Variants in TEX2 observed in about 807,000 individuals in gnomAD.
TEX2 encodes the protein testis-expressed protein 2.
Under a neutral mutation model 106.9 loss-of-function variants are expected in TEX2, and 53 were observed. The observed-to-expected ratio is 0.50, with a 90% CI of 0.40 to 0.62. The LOEUF is 0.62. TEX2 is among the 20% of genes least tolerant of loss of function. The probability of loss-of-function intolerance (pLI) is 0.00; values close to 1 mark genes in which losing one functional copy is unlikely to be tolerated. For missense variants in TEX2, 1,207 were observed against 1,379.0 expected, an observed-to-expected ratio of 0.88 and a Z score of 1.98; for synonymous variants, 523 against 534.8, an observed-to-expected ratio of 0.98 and a Z score of 0.30.
chr17:64,236,806 C>T (rs376652995), intron 1 of TEX2, among the ~76,000 whole-genome samples: 1 of 152,218 alleles, frequency 6.6e-6, no homozygotes, highest in East Asian at 1.9e-4. Context: ...AGATCTATGG[C>T]TCTCTTAATT....
At chr17:64,160,154 T>C (rs1241604832) in intron 8 of TEX2, among the ~76,000 whole-genome samples, 1 of 152,156 alleles carries the variant, frequency 6.6e-6, no homozygotes, top group Non-Finnish European at 1.5e-5. Context: ...TTAAGGAGAA[T>C]AGGATGTAAA....
chr17:64,150,062 G>A (rs1400113372), intron 11 of TEX2: 1 of 152,016 alleles, frequency 6.6e-6, no homozygotes, highest in Admixed American at 6.6e-5. Context: ...TTAATCTCTA[G>A]TTTTTAAATA....
At chr17:64,223,055 T>C (rs782397499) in intron 1 of TEX2, among the ~76,000 whole-genome samples, 1 of 152,194 alleles carries the variant, frequency 6.6e-6, no homozygotes, top group South Asian at 2.1e-4. Flanking sequence ...CCAGAATTTA[T>C]GTAGGATTCT....
chr17:64,212,421 G>T (rs2033029804), intron 2 of TEX2, among the ~76,000 whole-genome samples, 153 bp downstream of exon 2: 1 of 152,184 alleles, frequency 6.6e-6, no homozygotes, highest in Non-Finnish European at 1.5e-5. Flanking sequence ...CAGATGAGTT[G>T]ACTGGGTGCC....
At chr17:64,160,991 A>G (rs539934584) in intron 7 of TEX2, 58 bp from the exon 8 acceptor site, 2 of 1,572,210 alleles carry the variant, frequency 1.3e-6, no homozygotes, top group East Asian at 4.5e-5. Context: ...ACATGACTAT[A>G]AATGACTTAC....
At chr17:64,175,800 T>C (rs2031594261) in intron 6 of TEX2, among the ~76,000 whole-genome samples, 1 of 152,242 alleles carries the variant, frequency 6.6e-6, no homozygotes, top group Admixed American at 6.5e-5. Context: ...AGTTCAAGTA[T>C]GTCCTGCTTT....
At chr17:64,210,621 C>T (rs1373976751) in intron 2 of TEX2, among the ~76,000 whole-genome samples, 1 of 134,838 alleles carries the variant, frequency 7.4e-6, no homozygotes, top group Non-Finnish European at 1.6e-5. Flanking sequence ...AAAGAATTCT[C>T]CCCAACCCCC....
Position 64,195,165 on chromosome 17 carries a change from C to T in TEX2, c.1645-70G>A. On this transcript the variant is annotated intron_variant, in intron 2 of 11. Coordinates refer to ENST00000584379, the MANE Select transcript of TEX2 (RefSeq NM_001288732.2). This position sits in a 1 kb window ranked among gnomAD's most constrained non-coding sequence, Gnocchi z 4.1. ...ATCTGATTTAGTGTGAAATGATGAA[C>T]ACTGTGGTATTTGGGACACTGAAAC... 1 of 1,457,926 alleles carries T rather than the reference C, an allele frequency of 6.9e-7. No homozygotes were observed. The highest frequency in any genetic ancestry group is 1.2e-5 in the South Asian group (1 of 84,748). 90.3% of individuals were successfully genotyped at this position (1,457,926 alleles called of 1,614,324 possible).
At chr17:64,204,399 A>G (rs1460093897) in intron 2 of TEX2, among the ~76,000 whole-genome samples, 1 of 152,234 alleles carries the variant, frequency 6.6e-6, no homozygotes, top group Non-Finnish European at 1.5e-5. Context: ...ACTGTTGATG[A>G]TCCTGAGTGT....
intron 5 of TEX2, among the ~76,000 whole-genome samples, chr17:64,187,467 T>A (rs1598155909): frequency 6.6e-6 from 1 of 152,132 alleles, no homozygotes; most frequent in Non-Finnish European, 1.5e-5. Context: ...CCTCACCACC[T>A]ACTGTCACTA....
Position 64,147,810 on chromosome 17 carries a change from A to T in TEX2, c.*1159T>A, listed in dbSNP as rs1490818322. 5 of 152,688 alleles carry T rather than the reference A, an allele frequency of 3.3e-5. No homozygotes were observed. In the South Asian group the frequency reaches 8.3e-4, roughly 25 times the overall value. The allele number at this position is 152,688 out of a possible 1,614,324, so 9.5% of individuals were successfully genotyped here. On this transcript the variant is annotated 3_prime_UTR_variant, in exon 12 of 12. Coordinates refer to ENST00000584379, the MANE Select transcript of TEX2 (RefSeq NM_001288732.2). ...TAAAAAACCACTATTAGCTTTGTCC[A>T]CACATGTAAGTTATCAAAAGTTACC...
chr17:64,180,519 T>C lies in TEX2; in HGVS notation c.2425-3048A>G, dbSNP rs16947540. Among the ~76,000 whole-genome samples, 349 of 152,372 alleles carry C rather than the reference T, an allele frequency of 2.3e-3. 2 individuals are homozygous for C. The highest frequency in any genetic ancestry group is 8.0e-3 in the African/African-American group (333 of 41,586). On this transcript the variant is annotated intron_variant, in intron 5 of 11. Transcript: ENST00000584379. Reference sequence around the variant, plus strand: ...CGATAATGCATCAAAGAAGCTTTTATGAGCAAAACCTGGATTCAACAGCCT... The same window carrying C: ...CGATAATGCATCAAAGAAGCTTTTACGAGCAAAACCTGGATTCAACAGCCT...
At chr17:64,222,421 G>A (rs1267386976) in intron 1 of TEX2, among the ~76,000 whole-genome samples, 4 of 151,388 alleles carry the variant, frequency 2.6e-5, no homozygotes, top group Non-Finnish European at 4.4e-5. Context: ...GGGAGGCTGA[G>A]GGAGGAGAAT....
In TEX2 at chr17:64,227,097, G is replaced by A. The variant is rs530282645; in HGVS notation, c.-25-12855C>T. Among the ~76,000 whole-genome samples the A allele has an allele frequency of 7.2e-5, 11 of 152,004 alleles. 1 individual carries two copies. The highest frequency in any genetic ancestry group is 3.9e-4 in the East Asian group (2 of 5,166). ...AAAAATTAGCTGGGCGTGGCGGTGC[G>A]CGCCTGTAGTCCCAGCTACTCGGGA... On this transcript the variant is annotated intron_variant, in intron 1 of 11. Coordinates refer to ENST00000584379, the MANE Select transcript of TEX2 (RefSeq NM_001288732.2).
At chr17:64,236,050 T>C (rs1489605199) in intron 1 of TEX2, among the ~76,000 whole-genome samples, 1 of 152,090 alleles carries the variant, frequency 6.6e-6, no homozygotes, top group Non-Finnish European at 1.5e-5. Flanking sequence ...TTTTTCCCTA[T>C]GTAAACTCCT....
intron 3 of TEX2, 107 bp downstream of exon 3, chr17:64,194,788 C>A: frequency 1.9e-6 from 2 of 1,053,440 alleles, no homozygotes; most frequent in Non-Finnish European, 2.9e-6. Context: ...GTATACTGTT[C>A]AACGACCACA....
At chr17:64,182,041 A>G (rs2031890564) in intron 5 of TEX2, among the ~76,000 whole-genome samples, 2 of 152,188 alleles carry the variant, frequency 1.3e-5, no homozygotes, top group Admixed American at 6.5e-5. Flanking sequence ...TGTTCAGAGC[A>G]GCATCATTCA....
In TEX2 at chr17:64,213,626, C is replaced by T. The variant is rs201453522; in HGVS notation, c.592G>A (p.Glu198Lys). ...FMSLVKSLST[E>K]VEPKESPHPA... ...TGTGGGGATTCTTTTGGCTCCACCT[C>T]GGTCGACAGGGACTTCACAAGGCTC... The change falls in exon 2 of 12, where the codon GAG (glutamate) becomes AAG (lysine). Residue 198 changes from glutamate to lysine, a missense_variant. Transcript: ENST00000584379. The surrounding 1 kb of genome is among the most constrained non-coding windows in gnomAD (Gnocchi z 4.4). 1.9e-6 allele frequency: 3 copies of T among 1,613,986 alleles called. No homozygotes were observed. The highest frequency in any genetic ancestry group is 1.7e-5 in the Admixed American group (1 of 60,012).
At chr17:64,181,311 A>T in intron 5 of TEX2, among the ~76,000 whole-genome samples, 1 of 151,816 alleles carries the variant, frequency 6.6e-6, no homozygotes, top group African/African-American at 2.4e-5. Context: ...TCCCGTCTCT[A>T]CCAAAAATAC....
Sources: allele counts gnomAD v4.1 joint callset (sites outside exome capture counted in the v4.1 genomes callset), GRCh38; gene constraint gnomAD v4.1.1; non-coding constraint Gnocchi (gnomAD v3.1); transcripts MANE v1.5; gene names NCBI Gene and HGNC (gene_info 2026-07-23, HGNC 2026-07-21).